Variants in ACOT7 observed in about 807,000 individuals in gnomAD.
The protein encoded by ACOT7 is cytosolic acyl coenzyme A thioester hydrolase.
ACOT7 carries 12 observed loss-of-function variants against 40.2 expected under a neutral mutation model. The observed-to-expected ratio is 0.30, with a 90% CI of 0.19 to 0.48. The LOEUF (loss-of-function observed/expected upper bound fraction) is 0.48. ACOT7 is among the 20% of genes least tolerant of loss of function. The pLI is 0.99. For synonymous variants in ACOT7, 228 were observed against 219.5 expected (o/e 1.04, Z -0.34); for missense variants, 395 against 530.8 (o/e 0.74, Z 2.51).
rs901497146 is a variant in ACOT7, at chr1:6,299,416, C to T, written c.713-4436G>A. Among the ~76,000 whole-genome samples the T allele has an allele frequency of 3.3e-5, 5 of 152,138 alleles. No individual in the cohort carries two copies. The highest frequency in any genetic ancestry group is 7.4e-5 in the Non-Finnish European group (5 of 68,014). On this transcript the variant is annotated intron_variant, in intron 6 of 8. Coordinates refer to ENST00000361521, the MANE Select transcript of ACOT7 (RefSeq NM_007274.4). This position sits in a 1 kb window ranked among gnomAD's most constrained non-coding sequence, Gnocchi z 4.1. ...ACCAGGTAACATGCTGGCTGAGAAC[C>T]CCACACACTTGGCTCAGGTGGGCAA...
intron 4 of ACOT7, among the ~76,000 whole-genome samples, chr1:6,333,259 CGT>C (rs980847939): frequency 6.6e-6 from 1 of 152,248 alleles, no homozygotes; most frequent in African/African-American, 2.4e-5. Flanking sequence ...CCTCCCCACC[CGT>C]GTTTCCTCGG....
chr1:6,321,389 T>A (rs1640640769), intron 5 of ACOT7, among the ~76,000 whole-genome samples: 1 of 152,234 alleles, frequency 6.6e-6, no homozygotes, highest in Admixed American at 6.5e-5. Context: ...TCTTTCCAAG[T>A]GTCACGCTCA....
chr1:6,314,325 G>A (rs544485338), intron 6 of ACOT7, among the ~76,000 whole-genome samples: 4 of 152,190 alleles, frequency 2.6e-5, no homozygotes, highest in South Asian at 2.1e-4. Flanking sequence ...CTGCAGGAGC[G>A]ATGGGAGGAA....
In ACOT7 at chr1:6,385,552, C is replaced by T. The variant is rs576668181; in HGVS notation, c.143+7705G>A. 5.2e-5 allele frequency: 84 copies of T among 1,612,150 alleles called. No homozygotes were observed. Among genetic ancestry groups the T allele is most frequent in the Non-Finnish European group, 6.4e-5 (75 of 1,179,272 alleles). ...TCAGCCCTGGGCCCAACCACCTGGA[C>T]GGGAGCGCAGCACCCTCGCCGGGGC... On this transcript the variant is annotated intron_variant, in intron 1 of 8. Transcript: ENST00000361521.
intron 7 of ACOT7, among the ~76,000 whole-genome samples, chr1:6,292,026 AC>A (rs1253169944): frequency 6.6e-6 from 1 of 152,162 alleles, no homozygotes; most frequent in Non-Finnish European, 1.5e-5. Flanking sequence ...CCTGCAAAGG[AC>A]CTGGCAGGTG....
chr1:6,304,681 G>A (rs1234248355), intron 6 of ACOT7, among the ~76,000 whole-genome samples: 5 of 133,242 alleles, frequency 3.8e-5, no homozygotes, highest in African/African-American at 1.6e-4. Flanking sequence ...AGTGGACACA[G>A]CACATGTTTC....
rs1641164252 is a variant in ACOT7, at chr1:6,338,265, GT to G, written c.418+1167del. Among the ~76,000 whole-genome samples the G allele has an allele frequency of 1.3e-5, 2 of 152,218 alleles. No individual in the cohort carries two copies. The highest frequency in any genetic ancestry group is 1.3e-4 in the Admixed American group (2 of 15,282). ...GGGCCAAGGCTCCACCCCCAGCACAGTCGGAGAAGAGCTGCGATCTCACAGG... is the reference window on the plus strand; with the variant it reads ...GGGCCAAGGCTCCACCCCCAGCACAGCGGAGAAGAGCTGCGATCTCACAGG... On this transcript the variant is annotated intron_variant, in intron 3 of 8. Transcript: ENST00000361521. The surrounding 1 kb of genome is among the most constrained non-coding windows in gnomAD (Gnocchi z 4.4).
At chr1:6,378,797 G>A (rs904249559) in intron 1 of ACOT7, among the ~76,000 whole-genome samples, 2 of 151,936 alleles carry the variant, frequency 1.3e-5, no homozygotes, top group South Asian at 2.1e-4. Flanking sequence ...GCAGGGGCTG[G>A]TGTTCAGCAA....
Position 6,294,158 on chromosome 1 carries a change from T to C in ACOT7, c.829+706A>G, listed in dbSNP as rs1341309251. Among the ~76,000 whole-genome samples, 1 of 152,260 alleles carries C rather than the reference T, an allele frequency of 6.6e-6. No individual in the cohort carries two copies. The highest frequency in any genetic ancestry group is 6.5e-5 in the Admixed American group (1 of 15,294). On this transcript the variant is annotated intron_variant, in intron 7 of 8. Transcript: ENST00000361521. The surrounding 1 kb of genome is among the most constrained non-coding windows in gnomAD (Gnocchi z 4.6). ...CCCTCGGTCTGTGAGGCAGTGCTGC[T>C]GCAGGGGGTGCACGGCCTCATCTCA...
At chr1:6,357,431 A>T (rs1172552372) in intron 1 of ACOT7, among the ~76,000 whole-genome samples, 1 of 152,136 alleles carries the variant, frequency 6.6e-6, no homozygotes, top group East Asian at 1.9e-4. Flanking sequence ...GCGGCTCATT[A>T]CTGCCCCCTT....
chr1:6,298,080 C>T (rs1022200486), intron 6 of ACOT7, among the ~76,000 whole-genome samples: 5 of 152,190 alleles, frequency 3.3e-5, no homozygotes, highest in African/African-American at 1.2e-4. Flanking sequence ...CCTGTCCTTT[C>T]AAACACCTGG....
At chr1:6,312,723 C>T (rs891535305) in intron 6 of ACOT7, among the ~76,000 whole-genome samples, 1 of 152,240 alleles carries the variant, frequency 6.6e-6, no homozygotes, top group African/African-American at 2.4e-5. Context: ...CCACCTTGGC[C>T]TCCCAAAGTG....
At chr1:6,341,736 C>T (rs1038556291) in intron 2 of ACOT7, among the ~76,000 whole-genome samples, 2 of 151,586 alleles carry the variant, frequency 1.3e-5, no homozygotes, top group South Asian at 2.1e-4. Context: ...AGCGAGACTC[C>T]GTCTCAAAAA....
At chr1:6,295,322 G>GAA (rs1639782830) in intron 6 of ACOT7, 1 of 188,526 alleles carries the variant, frequency 5.3e-6, no homozygotes, top group African/African-American at 2.3e-5. Context: ...GCACGTGCTG[G>GAA]CGAGGATGTG....
intron 6 of ACOT7, among the ~76,000 whole-genome samples, chr1:6,310,786 G>A (rs1477391624): frequency 6.6e-6 from 1 of 152,174 alleles, no homozygotes; most frequent in Admixed American, 6.5e-5. Context: ...CAGGCTGGAT[G>A]GAGTGCAGTG....
chr1:6,281,910 G>A (rs757401227), intron 7 of ACOT7, among the ~76,000 whole-genome samples: 1 of 152,064 alleles, frequency 6.6e-6, no homozygotes, highest in Admixed American at 6.5e-5. Flanking sequence ...CACTGGTCTC[G>A]CCCACGGGAC....
At chr1:6,375,771 C>T (rs949231934) in intron 1 of ACOT7, among the ~76,000 whole-genome samples, 2 of 150,500 alleles carry the variant, frequency 1.3e-5, no homozygotes, top group African/African-American at 4.9e-5. Flanking sequence ...CCCGTCTCTA[C>T]TAAAAATACA....
At chr1:6,326,489 A>C (rs895227435) in intron 5 of ACOT7, among the ~76,000 whole-genome samples, 9 of 152,240 alleles carry the variant, frequency 5.9e-5, no homozygotes, top group Non-Finnish European at 1.2e-4. Flanking sequence ...ACCACAGGGA[A>C]ACTGGGCATG....
At chr1:6,354,282 C>T (rs1042383359) in intron 1 of ACOT7, among the ~76,000 whole-genome samples, 30 of 152,178 alleles carry the variant, frequency 2.0e-4, no homozygotes, top group African/African-American at 7.2e-4. Context: ...TCTGGGAAAG[C>T]TTCCCAGAGG....
Sources: allele counts gnomAD v4.1 joint callset (sites outside exome capture counted in the v4.1 genomes callset), GRCh38; gene constraint gnomAD v4.1.1; non-coding constraint Gnocchi (gnomAD v3.1); transcripts MANE v1.5; gene names NCBI Gene and HGNC (gene_info 2026-07-23, HGNC 2026-07-21).